Variants in PRIM1 observed in about 807,000 individuals in gnomAD.
PRIM1 encodes DNA primase small subunit.
A neutral mutation model predicts 60.2 loss-of-function variants in PRIM1; 38 were observed. The observed-to-expected ratio is 0.63, with a 90% CI of 0.49 to 0.83. The LOEUF is 0.83. PRIM1 is among the 40% of genes least tolerant of loss of function. The pLI, the probability that PRIM1 is intolerant of heterozygous loss-of-function variation, is 0.00. For missense variants in PRIM1, 388 were observed against 506.2 expected, an observed-to-expected ratio of 0.77 and a Z score of 2.24; for synonymous variants, 158 against 160.2, an observed-to-expected ratio of 0.99 and a Z score of 0.10.
intron 5 of PRIM1, among the ~76,000 whole-genome samples, chr12:56,745,722 T>C (rs1165416897): frequency 6.6e-6 from 1 of 152,048 alleles, no homozygotes; most frequent in Admixed American, 6.6e-5. Context: ...GTGAATCACC[T>C]GAGGCTAGGA....
In PRIM1 at chr12:56,741,548, G is replaced by C; in HGVS notation, c.869C>G (p.Pro290Arg). Residue 290 changes from proline to arginine, a missense_variant, in exon 9 of 13, where the codon CCC (proline) becomes CGC (arginine). Transcript: ENST00000338193. ...QNNIKNDKYGPWLEWEIMLQY... is the reference protein window; with the variant it reads ...QNNIKNDKYGRWLEWEIMLQY... Reference sequence around the variant, plus strand: ...GAGCATAATCTCCCACTCCAGCCAGGGTCCATATTTGTCATTTTTGATGTT... The same window carrying C: ...GAGCATAATCTCCCACTCCAGCCAGCGTCCATATTTGTCATTTTTGATGTT... 1 of 1,612,172 alleles carries C rather than the reference G, an allele frequency of 6.2e-7. No homozygotes were observed. The highest frequency in any genetic ancestry group is 8.5e-7 in the Non-Finnish European group (1 of 1,179,466).
Position 56,746,967 on chromosome 12 carries a change from G to A in PRIM1, c.327C>T (p.Asp109=). 1.2e-6 allele frequency: 2 copies of A among 1,613,898 alleles called. No homozygotes were observed. Among genetic ancestry groups the A allele is most frequent in the Non-Finnish European group, 1.7e-6 (2 of 1,179,856 alleles). The stretch of plus-strand genomic sequence containing the variant: ...CATCGTCATAGTCTGTCATGTCAAT[G>A]TCAAATACCAGTTCTTTTTCCTGAG... ...FQAQEKELVF[D]IDMTDYDDVR... is the part of the protein sequence containing the mutation. The change falls in exon 3 of 13, where the codon GAC becomes GAT. Residue 109 remains aspartate (D), a synonymous_variant. Transcript: ENST00000338193.
chr12:56,742,405 A>G (rs1205247603), intron 7 of PRIM1, among the ~76,000 whole-genome samples: 1 of 151,178 alleles, frequency 6.6e-6, no homozygotes, highest in East Asian at 2.0e-4. Context: ...CCCCGTCTCT[A>G]TAAAAACACA....
intron 11 of PRIM1, among the ~76,000 whole-genome samples, chr12:56,734,845 T>A (rs1335358754): frequency 1.4e-5 from 2 of 146,144 alleles, no homozygotes; most frequent in Non-Finnish European, 3.0e-5. Context: ...AGAGTGTCAC[T>A]CTGTTGCCCA....
chr12:56,745,833 G>C (rs1347873969), intron 5 of PRIM1, among the ~76,000 whole-genome samples: 3 of 151,984 alleles, frequency 2.0e-5, no homozygotes, highest in Non-Finnish European at 2.9e-5. Context: ...CAGCTACTCG[G>C]GAGGCTGAGG....
chr12:56,735,333 C>T (rs1173207776), intron 11 of PRIM1, among the ~76,000 whole-genome samples: 4 of 151,770 alleles, frequency 2.6e-5, no homozygotes, highest in Admixed American at 6.6e-5. Flanking sequence ...CTCTTGACCT[C>T]GTGATCCACC....
In PRIM1 at chr12:56,752,303, C is replaced by T. The variant is rs952161048; in HGVS notation, c.-5G>A. ...GGTGGGGTCAAACGTCTCCATTGAG[C>T]GCGGAACTCGCCACGGTAAGGATTA... On this transcript the variant is annotated 5_prime_UTR_variant, in exon 1 of 13. Transcript: ENST00000338193. 4.5e-6 allele frequency: 7 copies of T among 1,561,570 alleles called. No homozygotes were observed. The Admixed American group carries it at 9.4e-5, about 21-fold the overall frequency.
intron 5 of PRIM1, among the ~76,000 whole-genome samples, chr12:56,744,352 G>A (rs1953892351): frequency 6.6e-6 from 1 of 151,968 alleles, no homozygotes; most frequent in Non-Finnish European, 1.5e-5. Context: ...AATTAGCTGG[G>A]CATGGTGGCG....
chr12:56,738,548 ATTTTGT>A lies in PRIM1; in HGVS notation c.1053-29_1053-24del, dbSNP rs754680975. On this transcript the variant is annotated intron_variant, in intron 10 of 12. Coordinates refer to ENST00000338193, the MANE Select transcript of PRIM1 (RefSeq NM_000946.3). The stretch of plus-strand genomic sequence containing the variant: ...AAGCTGCAAGTAACAGAACAAGAGA[ATTTTGT>A]TTTTGTTTTTGTTTTTGAGACGGAG... 4.6e-4 allele frequency: 715 copies of A among 1,557,034 alleles called. 3 individuals are homozygous for A. Among genetic ancestry groups the A allele is most frequent in the Middle Eastern group, 9.7e-4 (5 of 5,162 alleles).
intron 11 of PRIM1, among the ~76,000 whole-genome samples, chr12:56,736,298 TA>T (rs756452647): frequency 2.0e-3 from 48 of 24,312 alleles, no homozygotes; most frequent in Non-Finnish European, 2.3e-3. Context: ...ACTCTTTCTC[TA>T]AAAAAAAAAA....
intron 5 of PRIM1, among the ~76,000 whole-genome samples, chr12:56,745,637 T>C (rs1953900655): frequency 6.6e-6 from 1 of 152,158 alleles, no homozygotes. Flanking sequence ...GCAATGTGAA[T>C]GCCATTAAAG....
At chr12:56,742,437 C>T (rs536519125) in intron 7 of PRIM1, among the ~76,000 whole-genome samples, 118 of 151,782 alleles carry the variant, frequency 7.8e-4, no homozygotes, top group African/African-American at 2.7e-3. Context: ...GGCGTGGTGG[C>T]GTGTGCCTGC....
chr12:56,745,757 G>T (rs1447156843), intron 5 of PRIM1, among the ~76,000 whole-genome samples: 1 of 151,920 alleles, frequency 6.6e-6, no homozygotes. Flanking sequence ...TGGCCAACAT[G>T]GCGAAACCCA....
intron 2 of PRIM1, among the ~76,000 whole-genome samples, chr12:56,749,062 G>C (rs1426638095): frequency 6.6e-6 from 1 of 152,130 alleles, no homozygotes; most frequent in Non-Finnish European, 1.5e-5. Context: ...AGGCTGGAGT[G>C]CAGTGGCGTG....
Position 56,741,667 on chromosome 12 carries a change from TTAAC to T in PRIM1, c.840+75_840+78del, listed in dbSNP as rs1262725091. ...TTAAAAAAACGATCTTCAACCATCTTTAACTGACTAGGCAAAGCAATCAATTTAA... is the reference window on the plus strand; with the variant it reads ...TTAAAAAAACGATCTTCAACCATCTTTGACTAGGCAAAGCAATCAATTTAA... On this transcript the variant is annotated intron_variant, in intron 8 of 12. Coordinates refer to ENST00000338193, the MANE Select transcript of PRIM1 (RefSeq NM_000946.3). 10 of 1,583,864 alleles carry T rather than the reference TTAAC, an allele frequency of 6.3e-6. No homozygotes were observed. In the African/African-American group the frequency reaches 6.8e-5, roughly 11 times the overall value.
Position 56,751,061 on chromosome 12 carries a change from T to C in PRIM1, c.238A>G (p.Ile80Val), listed in dbSNP as rs1359851966. 6.3e-7 allele frequency: 1 copy of C among 1,582,486 alleles called. No homozygotes were observed. Reference sequence around the variant, plus strand: ...ACTCTGTGAGAATATACTGCGCCTATATCAATCTTGTATGGATTCATTTTC... The same window carrying C: ...ACTCTGTGAGAATATACTGCGCCTACATCAATCTTGTATGGATTCATTTTC... ...MQKMNPYKID[I>V]GAVYSHRPNQ... is the part of the protein sequence containing the mutation. Residue 80 changes from isoleucine (I) to valine (V), a missense_variant, in exon 2 of 13, where the codon ATA becomes GTA. Coordinates refer to ENST00000338193, the MANE Select transcript of PRIM1 (RefSeq NM_000946.3).
chr12:56,737,297 A>T (rs1953839941), intron 11 of PRIM1, among the ~76,000 whole-genome samples: 1 of 151,710 alleles, frequency 6.6e-6, no homozygotes, highest in Non-Finnish European at 1.5e-5. Flanking sequence ...GTCTTCCACA[A>T]AACTGGTACC....
rs370157001 is a variant in PRIM1 at position 56,744,020 on chromosome 12, G to A, written c.638+45C>T. On this transcript the variant is annotated intron_variant, in intron 6 of 12. Transcript: ENST00000338193. ...CAAGGTAACTCTAAAGGCACATGCCGGTAAATCAGACACCTTAAAGTGCTT... is the reference window on the plus strand; with the variant it reads ...CAAGGTAACTCTAAAGGCACATGCCAGTAAATCAGACACCTTAAAGTGCTT... 1.4e-5 allele frequency: 19 copies of A among 1,378,462 alleles called. No homozygotes were observed. In the African/African-American group the frequency reaches 1.6e-4, roughly 12 times the overall value. The allele number at this position is 1,378,462 out of a possible 1,614,324, so 85.4% of individuals were successfully genotyped here. A position where few individuals can be genotyped will look rare whatever the true frequency, so the allele number is the denominator to read the frequency against.
intron 4 of PRIM1, 104 bp downstream of exon 4, chr12:56,746,677 A>ACACACACACAC (rs1565906918): frequency 1.1e-5 from 3 of 284,822 alleles, no homozygotes; most frequent in South Asian, 5.9e-5. Flanking sequence ...CACACACACA[A>ACACACACACAC]ATTAATGAGA....
Sources: gnomAD v4.1 joint callset for allele counts (sites outside exome capture counted in the v4.1 genomes callset) on GRCh38, gnomAD v4.1.1 for gene constraint, MANE v1.5 for transcripts, NCBI Gene and HGNC (gene_info 2026-07-23, HGNC 2026-07-21) for gene names.